The following CBFA2T3 variants were observed in gnomAD, a reference collection of about 807,000 sequenced individuals.
CBFA2T3 encodes the protein transcriptional corepressor CBFA2T3.
Under a neutral mutation model 58.6 loss-of-function variants are expected in CBFA2T3, and 31 were observed. The observed-to-expected ratio is 0.53, with a 90% CI of 0.40 to 0.71. The LOEUF (loss-of-function observed/expected upper bound fraction) is 0.71. CBFA2T3 is among the 30% of genes least tolerant of loss of function. The pLI is 0.00. For synonymous variants in CBFA2T3, 531 were observed against 421.9 expected, an observed-to-expected ratio of 1.26 and a Z score of -3.17; for missense variants, 1,076 against 963.1, an observed-to-expected ratio of 1.12 and a Z score of -1.55.
At chr16:88,898,562 G>A (rs887804776) in intron 2 of CBFA2T3, among the ~76,000 whole-genome samples, 1 of 152,228 alleles carries the variant, frequency 6.6e-6, no homozygotes, top group South Asian at 2.1e-4. Flanking sequence ...GCAGGGGCGG[G>A]GCCCCTTGTT....
In CBFA2T3 at chr16:88,886,278, T is replaced by A. The variant is rs1402127258; in HGVS notation, c.712-136A>T. On this transcript the variant is annotated intron_variant, in intron 5 of 11. Coordinates refer to ENST00000268679, the MANE Select transcript of CBFA2T3 (RefSeq NM_005187.6). The stretch of plus-strand genomic sequence containing the variant: ...GCCTCAAAGGTCAAGGTGCTCGACC[T>A]CTCTGGGCCTCAAGTTCCTTCCTAG... 3 of 518,282 alleles carry A rather than the reference T, an allele frequency of 5.8e-6. No individual in the cohort carries two copies. In the African/African-American group the frequency reaches 6.0e-5, roughly 10 times the overall value. The allele number at this position is 518,282 out of a possible 1,614,324, so 32.1% of individuals were successfully genotyped here.
At chr16:88,914,941 T>C (rs181626707) in intron 1 of CBFA2T3, among the ~76,000 whole-genome samples, 3,586 of 132,686 alleles carry the variant, frequency 0.027, 56 homozygotes, top group African/African-American at 0.057. Flanking sequence ...CTGGGGGAGG[T>C]GGCCCCACAA....
intron 1 of CBFA2T3, among the ~76,000 whole-genome samples, chr16:88,964,511 G>A (rs570934939): frequency 3.3e-5 from 5 of 152,274 alleles, no homozygotes; most frequent in Non-Finnish European, 5.9e-5. Context: ...ATTCCCACTC[G>A]TCAGGTTCCG....
Position 88,976,817 on chromosome 16 carries a change from C to T in CBFA2T3, c.-10G>A, listed in dbSNP as rs1972875390. On this transcript the variant is annotated 5_prime_UTR_variant, in exon 1 of 12. Coordinates refer to ENST00000268679, the MANE Select transcript of CBFA2T3 (RefSeq NM_005187.6). Reference sequence around the variant, plus strand: ...GTCTTGAAGCCGGCATGAGGAGGGCCACCCTCAGGGGCCAACCTGGAGCCC... The same window carrying T: ...GTCTTGAAGCCGGCATGAGGAGGGCTACCCTCAGGGGCCAACCTGGAGCCC... 6.5e-7 allele frequency: 1 copy of T among 1,547,384 alleles called. No homozygotes were observed. Among genetic ancestry groups the T allele is most frequent in the Admixed American group, 2.0e-5 (1 of 51,052 alleles).
chr16:88,904,135 A>T lies in CBFA2T3; in HGVS notation c.152-2479T>A, dbSNP rs535994693. On this transcript the variant is annotated intron_variant, in intron 1 of 11. Coordinates refer to ENST00000268679, the MANE Select transcript of CBFA2T3 (RefSeq NM_005187.6). The stretch of plus-strand genomic sequence containing the variant: ...CACGGCCACCACCTGCGTGCTCGTG[A>T]CACTCTGGATCCCGAAGCTAGAGCA... Among the ~76,000 whole-genome samples the T allele has an allele frequency of 2.0e-5, 3 of 152,282 alleles. No individual in the cohort carries two copies. In the East Asian group the frequency reaches 5.8e-4, roughly 29 times the overall value.
At chr16:88,892,946 G>T (rs1485836569) in intron 3 of CBFA2T3, among the ~76,000 whole-genome samples, 1 of 152,184 alleles carries the variant, frequency 6.6e-6, no homozygotes, top group Non-Finnish European at 1.5e-5. Flanking sequence ...CCCTACGCCT[G>T]GCCTGGGAGA....
In CBFA2T3 at chr16:88,974,543, C is replaced by T. The variant is rs1008334835; in HGVS notation, c.151+2114G>A. ...GACGTCTCTCCTGCCCGCCACCAAA[C>T]GCGCAGCAACACAGCCCTGCTCAGT... On this transcript the variant is annotated intron_variant, in intron 1 of 11. Coordinates refer to ENST00000268679, the MANE Select transcript of CBFA2T3 (RefSeq NM_005187.6). Among the ~76,000 whole-genome samples the T allele has an allele frequency of 9.9e-4, 151 of 152,196 alleles. 4 individuals are homozygous for T. The highest frequency in any genetic ancestry group is 9.5e-3 in the Admixed American group (145 of 15,286).
intron 1 of CBFA2T3, among the ~76,000 whole-genome samples, chr16:88,906,615 A>G (rs1567598357): frequency 3.3e-5 from 5 of 152,222 alleles, no homozygotes; most frequent in African/African-American, 1.2e-4. Context: ...CTCAAGGCAG[A>G]ATAGAGAAGT....
At chr16:88,971,924 A>T (rs919471002) in intron 1 of CBFA2T3, among the ~76,000 whole-genome samples, 2 of 152,160 alleles carry the variant, frequency 1.3e-5, no homozygotes, top group African/African-American at 4.8e-5. Flanking sequence ...GGTTAACGGG[A>T]CGCACTGCTT....
At chr16:88,886,304 C>T (rs2142558093) in intron 5 of CBFA2T3, 162 bp from the exon 6 acceptor site, 2 of 465,834 alleles carry the variant, frequency 4.3e-6, no homozygotes, top group East Asian at 7.0e-5. Context: ...TCCTTCCTAG[C>T]AGTGCCATGG....
chr16:88,907,913 C>T (rs1213225760), intron 1 of CBFA2T3, among the ~76,000 whole-genome samples: 2 of 152,182 alleles, frequency 1.3e-5, no homozygotes, highest in African/African-American at 4.8e-5. Flanking sequence ...TCCCTCTATG[C>T]GGTTTTCCCC....
chr16:88,891,483 C>A (rs1290782320), intron 5 of CBFA2T3, among the ~76,000 whole-genome samples: 1 of 152,226 alleles, frequency 6.6e-6, no homozygotes, highest in East Asian at 1.9e-4. Flanking sequence ...TGCTGCATGT[C>A]CTGGGCCCTA....
In CBFA2T3 at chr16:88,976,715, G is replaced by T; in HGVS notation, c.93C>A (p.Ser31Arg). Reference protein sequence around the residue: ...SMSQTHPVLESGLLASAGCSA... With the variant: ...SMSQTHPVLERGLLASAGCSA... ...AGCAGCCGGCAGATGCCAGGAGGCC[G>T]CTCTCCAGCACAGGGTGCGTCTGGG... Residue 31 changes from serine (S) to arginine (R), a missense_variant, in exon 1 of 12, where the codon AGC becomes AGA. By Grantham distance (110) the Ser-to-Arg change is moderately radical. Transcript: ENST00000268679. 1 of 1,558,622 alleles carries T rather than the reference G, an allele frequency of 6.4e-7. No individual in the cohort carries two copies. Among genetic ancestry groups the T allele is most frequent in the Non-Finnish European group, 8.7e-7 (1 of 1,151,190 alleles).
At chr16:88,888,294 TGGATGTCTTG>T (rs1418440049) in intron 5 of CBFA2T3, among the ~76,000 whole-genome samples, 2 of 148,604 alleles carry the variant, frequency 1.3e-5, no homozygotes, top group African/African-American at 5.0e-5. Flanking sequence ...TGGCGGGCTG[TGGATGTCTTG>T]GGAAGGTGCT....
At chr16:88,930,553 C>T (rs1309847848) in intron 1 of CBFA2T3, among the ~76,000 whole-genome samples, 1 of 151,684 alleles carries the variant, frequency 6.6e-6, no homozygotes, top group Non-Finnish European at 1.5e-5. Context: ...CGGGGAGCCA[C>T]GAAGGCCCCG....
intron 1 of CBFA2T3, among the ~76,000 whole-genome samples, chr16:88,936,276 G>A (rs1446079548): frequency 6.6e-6 from 1 of 152,254 alleles, no homozygotes; most frequent in East Asian, 1.9e-4. Context: ...TCTCCGGCAG[G>A]TCCCACCTGC....
chr16:88,967,196 C>T (rs985551054), intron 1 of CBFA2T3, among the ~76,000 whole-genome samples: 5 of 112,840 alleles, frequency 4.4e-5, no homozygotes, highest in African/African-American at 1.7e-4. Context: ...TCGGCCCCGA[C>T]ACGAGGCAGC....
At chr16:88,886,639 C>G (rs993943277) in intron 5 of CBFA2T3, 5 of 153,130 alleles carry the variant, frequency 3.3e-5, no homozygotes, top group African/African-American at 1.2e-4. Flanking sequence ...GGAGTGAAAC[C>G]CAGCTGGGAT....
intron 5 of CBFA2T3, among the ~76,000 whole-genome samples, chr16:88,891,027 G>A (rs1026949199): frequency 2.6e-5 from 4 of 152,134 alleles, no homozygotes; most frequent in South Asian, 4.1e-4. Flanking sequence ...CCGAGAGCCT[G>A]CAAAGCTGAC....
Sources: allele counts gnomAD v4.1 joint callset (sites outside exome capture counted in the v4.1 genomes callset), GRCh38; gene constraint gnomAD v4.1.1; transcripts MANE v1.5; gene names NCBI Gene and HGNC (gene_info 2026-07-23, HGNC 2026-07-21).